Variants in C10orf71 observed in about 807,000 individuals in gnomAD.
C10orf71 encodes cardiac-enriched FHL2-interacting protein.
For missense variants in C10orf71, 1,869 were observed against 1,804.5 expected (o/e 1.04, Z -0.65); for synonymous variants, 758 against 726.3 (o/e 1.04, Z -0.70).
At chr10:49,313,080 G>A (rs1013872152) in intron 1 of C10orf71, among the ~76,000 whole-genome samples, 1 of 152,088 alleles carries the variant, frequency 6.6e-6, no homozygotes, top group African/African-American at 2.4e-5. Context: ...CTAGCAGGAG[G>A]GACAAACATT....
At chr10:49,303,874 C>T (rs73307869) in intron 1 of C10orf71, among the ~76,000 whole-genome samples, 4,476 of 152,274 alleles carry the variant, frequency 0.029, 228 homozygotes, top group African/African-American at 0.1. Context: ...CTGGCTGAGC[C>T]GCCTTACCCC....
At chr10:49,319,682 CTATATATATATATATATATATATA>C (rs60174377) in intron 2 of C10orf71, among the ~76,000 whole-genome samples, 2,669 of 117,794 alleles carry the variant, frequency 0.023, 177 homozygotes, top group African/African-American at 0.093. Flanking sequence ...CACACACAAG[CTATATATATATATATATATATATA>C]TATATATATA....
At chr10:49,300,461 CA>C (rs60669434) in intron 1 of C10orf71, among the ~76,000 whole-genome samples, 6,384 of 108,508 alleles carry the variant, frequency 0.059, 195 homozygotes, top group African/African-American at 0.12. Flanking sequence ...CAATTTAATA[CA>C]AAAAAAAAAA....
rs763341267 is a variant in C10orf71 at position 49,327,003 on chromosome 10, C to A, written c.*150C>A. 6.3e-7 allele frequency: 1 copy of A among 1,589,736 alleles called. No individual in the cohort carries two copies. Among genetic ancestry groups the A allele is most frequent in the South Asian group, 1.1e-5 (1 of 87,916 alleles). ...CTTAGCCTTTTTAGATCCATAAAGT[C>A]CAGAAGGCAGTAGGGATCCCAAGAC... is the stretch of plus-strand genomic sequence containing the variant. On this transcript the variant is annotated 3_prime_UTR_variant, in exon 3 of 3. Transcript: ENST00000374144.
Position 49,323,467 on chromosome 10 carries a change from G to T in C10orf71, c.922G>T (p.Asp308Tyr), listed in dbSNP as rs1849140524. ...PESKAPKHYG[D>Y]TTLLREPCPP... ...AAGCAAAGCTCCCAAGCACTATGGG[G>T]ACACGACCTTGCTAAGAGAACCCTG... Residue 308 changes from aspartate (D) to tyrosine (Y), a missense_variant, in exon 3 of 3, where the codon GAC becomes TAC. By Grantham distance (160) the Asp-to-Tyr change is radical. Coordinates refer to ENST00000374144, the MANE Select transcript of C10orf71 (RefSeq NM_001135196.2). The T allele has an allele frequency of 6.2e-7, 1 of 1,613,878 alleles. No homozygotes were observed. The highest frequency in any genetic ancestry group is 1.7e-5 in the Admixed American group (1 of 60,004).
Position 49,323,130 on chromosome 10 carries a change from C to T in C10orf71, c.585C>T (p.Val195=), listed in dbSNP as rs760117668. ...GCTTCGATTCTGCCTTTCTGACAGT[C>T]AGGAGGGTGCCCGCTGAAGTTTCCA... ...NFCFDSAFLT[V]RRVPAEVSNT... Residue 195 remains valine, a synonymous_variant, in exon 3 of 3, where the codon GTC becomes GTT. Coordinates refer to ENST00000374144, the MANE Select transcript of C10orf71 (RefSeq NM_001135196.2). 1.2e-6 allele frequency: 2 copies of T among 1,613,904 alleles called. No homozygotes were observed. The highest frequency in any genetic ancestry group is 1.1e-5 in the South Asian group (1 of 91,088).
chr10:49,323,016 T>G lies in C10orf71; in HGVS notation c.471T>G (p.Arg157=). The change falls in exon 3 of 3, where the codon CGT becomes CGG. Residue 157 remains arginine (R), a synonymous_variant. Coordinates refer to ENST00000374144, the MANE Select transcript of C10orf71 (RefSeq NM_001135196.2). ...CTTTCGACAGGACCGAGAGCCAACG[T>G]TGTGAGAGCAGGCCCACTGCCAGCA... ...IKSFDRTESQ[R]CESRPTASKP... 1 of 1,613,892 alleles carries G rather than the reference T, an allele frequency of 6.2e-7. No individual in the cohort carries two copies. The highest frequency in any genetic ancestry group is 2.2e-5 in the East Asian group (1 of 44,874).
rs1297436723 is a variant in C10orf71, at chr10:49,322,810, G to C, written c.265G>C (p.Gly89Arg). The change falls in exon 3 of 3, where the codon GGC (glycine) becomes CGC (arginine). Residue 89 changes from glycine to arginine, a missense_variant. Physicochemically the swap from Gly to Arg is moderately radical, Grantham distance 125. Transcript: ENST00000374144. ...SGIWSQLPSQ[G>R]TEHSGWAATF... ...CATTTGGAGCCAGTTACCGTCACAG[G>C]GCACGGAACATTCGGGCTGGGCGGC... is the stretch of plus-strand genomic sequence containing the variant. 1 of 1,613,704 alleles carries C rather than the reference G, an allele frequency of 6.2e-7. No homozygotes were observed. Among genetic ancestry groups the C allele is most frequent in the Non-Finnish European group, 8.5e-7 (1 of 1,179,826 alleles).
chr10:49,315,691 C>G (rs1051551788), intron 1 of C10orf71, among the ~76,000 whole-genome samples: 1 of 152,180 alleles, frequency 6.6e-6, no homozygotes, highest in African/African-American at 2.4e-5. Flanking sequence ...ATTTTTGGAA[C>G]TTTGTTGAGC....
chr10:49,325,322 G>A lies in C10orf71; in HGVS notation c.2777G>A (p.Arg926His), dbSNP rs755957643. Residue 926 changes from arginine to histidine, a missense_variant, in exon 3 of 3, where the codon CGT (arginine) becomes CAT (histidine). Physicochemically the swap from Arg to His is conservative, Grantham distance 29 (BLOSUM62 0). Coordinates refer to ENST00000374144, the MANE Select transcript of C10orf71 (RefSeq NM_001135196.2). The stretch of plus-strand genomic sequence containing the variant: ...ACACCCACTAACACACGGGGCACAC[G>A]TGTGAAGTGCATGGCCAACGAGGTC... ...TSTPTNTRGT[R>H]VKCMANEVME... The A allele has an allele frequency of 2.5e-5, 39 of 1,551,626 alleles. No homozygotes were observed. The Middle Eastern group carries it at 1.2e-3, about 46-fold the overall frequency.
rs1486211329 is a variant in C10orf71 at position 49,325,433 on chromosome 10, T to G, written c.2888T>G (p.Leu963Arg). The change falls in exon 3 of 3, where the codon CTG becomes CGG. Residue 963 changes from leucine to arginine, a missense_variant. By Grantham distance (102) the Leu-to-Arg change is moderately radical (BLOSUM62 -2). Transcript: ENST00000374144. ...APKGNFPSMP[L>R]VGEGDRVKAP... is the part of the protein sequence containing the mutation. ...AAGGGGAATTTCCCATCTATGCCTC[T>G]GGTGGGAGAGGGGGACCGGGTGAAG... 3.2e-6 allele frequency: 5 copies of G among 1,550,138 alleles called. No individual in the cohort carries two copies. Among genetic ancestry groups the G allele is most frequent in the Non-Finnish European group, 4.4e-6 (5 of 1,145,804 alleles).
intron 1 of C10orf71, among the ~76,000 whole-genome samples, chr10:49,307,865 C>T (rs866413294): frequency 2.8e-4 from 42 of 152,162 alleles, no homozygotes; most frequent in African/African-American, 7.7e-4. Flanking sequence ...ATTTCTCCTG[C>T]CATAAGGGTC....
In C10orf71 at chr10:49,324,143, G is replaced by C. The variant is rs1171022698; in HGVS notation, c.1598G>C (p.Gly533Ala). 2.5e-6 allele frequency: 4 copies of C among 1,613,964 alleles called. No individual in the cohort carries two copies. Among genetic ancestry groups the C allele is most frequent in the Non-Finnish European group, 3.4e-6 (4 of 1,179,886 alleles). ...LDEKTRGKVD[G>A]KQEPVSNGVI... ...GAGAAAACTAGAGGTAAGGTTGATG[G>C]AAAGCAAGAACCTGTGAGCAACGGT... The change falls in exon 3 of 3, where the codon GGA becomes GCA. Residue 533 changes from glycine to alanine, a missense_variant. Coordinates refer to ENST00000374144, the MANE Select transcript of C10orf71 (RefSeq NM_001135196.2).
chr10:49,305,003 C>T (rs1848788769), intron 1 of C10orf71, among the ~76,000 whole-genome samples: 1 of 152,212 alleles, frequency 6.6e-6, no homozygotes, highest in Non-Finnish European at 1.5e-5. Context: ...AGTGGCAAGT[C>T]CTAAAGCTGT....
chr10:49,300,024 A>G (rs991551851), intron 1 of C10orf71, among the ~76,000 whole-genome samples: 3 of 152,222 alleles, frequency 2.0e-5, no homozygotes, highest in African/African-American at 7.2e-5. Flanking sequence ...TGAGTCTAAA[A>G]TTACCTCTTT....
At chr10:49,311,382 C>T (rs188962825) in intron 1 of C10orf71, among the ~76,000 whole-genome samples, 104 of 152,348 alleles carry the variant, frequency 6.8e-4, no homozygotes, top group African/African-American at 2.4e-3. Flanking sequence ...CCTGGGTTGG[C>T]TGCCAGCCAG....
chr10:49,320,745 AG>A (rs944018850), intron 2 of C10orf71, among the ~76,000 whole-genome samples: 6 of 152,188 alleles, frequency 3.9e-5, no homozygotes, highest in African/African-American at 1.4e-4. Flanking sequence ...ATTTATTTTA[AG>A]GAACTGGCTG....
Position 49,299,538 on chromosome 10 carries a change from A to G in C10orf71, c.-248+305A>G, listed in dbSNP as rs145634074. ...CGGGAGGGATGTTCCCGCTGGGCCGATGCTGTGCTGGGGAAGTAGTTCGGT... is the reference window on the plus strand; with the variant it reads ...CGGGAGGGATGTTCCCGCTGGGCCGGTGCTGTGCTGGGGAAGTAGTTCGGT... On this transcript the variant is annotated intron_variant, in intron 1 of 2. Transcript: ENST00000374144. 57 of 153,050 alleles carry G rather than the reference A, an allele frequency of 3.7e-4. No individual in the cohort carries two copies. In the East Asian group the frequency reaches 0.011, roughly 29 times the overall value. 9.5% of individuals were successfully genotyped at this position (153,050 alleles called of 1,614,324 possible).
Position 49,326,819 on chromosome 10 carries a change from A to G in C10orf71, c.4274A>G (p.Asp1425Gly). 1 of 1,545,886 alleles carries G rather than the reference A, an allele frequency of 6.5e-7. No homozygotes were observed. The highest frequency in any genetic ancestry group is 8.7e-7 in the Non-Finnish European group (1 of 1,145,716). The change falls in exon 3 of 3, where the codon GAC becomes GGC. Residue 1425 changes from aspartate to glycine, a missense_variant. Transcript: ENST00000374144. ...GGCCTGGGCATCATCTCCACTGATG[A>G]CCTAGAGGACTTTGCCACAGAAGGC... ...APGLGIISTD[D>G]LEDFATEGIS is the part of the protein sequence containing the mutation.
Sources: allele counts gnomAD v4.1 joint callset (sites outside exome capture counted in the v4.1 genomes callset), GRCh38; gene constraint gnomAD v4.1.1; transcripts MANE v1.5; gene names NCBI Gene and HGNC (gene_info 2026-07-23, HGNC 2026-07-21).